EPB41: variants seen among roughly 807,000 people sequenced by gnomAD.
EPB41 encodes the protein protein 4.1.
A neutral mutation model predicts 108.0 loss-of-function variants in EPB41; 65 were observed. The observed-to-expected ratio is 0.60, with a 90% confidence interval of 0.49 to 0.74. The LOEUF (loss-of-function observed/expected upper bound fraction) is 0.74. EPB41 is among the 30% of genes least tolerant of loss of function. The pLI, the probability that EPB41 is intolerant of heterozygous loss-of-function variation, is 0.00. For synonymous variants in EPB41, 336 were observed against 358.9 expected (o/e 0.94, Z 0.72); for missense variants, 875 against 1,037.0 (o/e 0.84, Z 2.15).
At chr1:29,003,710 G>C (rs982445096) in intron 4 of EPB41, among the ~76,000 whole-genome samples, 15 of 152,170 alleles carry the variant, frequency 9.9e-5, no homozygotes, top group Non-Finnish European at 1.3e-4. Flanking sequence ...TGGCTTGCTT[G>C]TTCCCTTTTC....
chr1:29,055,930 CAAAA>C (rs35702090), intron 12 of EPB41, among the ~76,000 whole-genome samples: 5 of 59,384 alleles, frequency 8.4e-5, no homozygotes, highest in African/African-American at 2.4e-4. Context: ...AAGACTGTCT[CAAAA>C]AAAAAAAAAA....
At chr1:28,960,006 T>TC (rs1278714119) in intron 1 of EPB41, among the ~76,000 whole-genome samples, 2 of 148,634 alleles carry the variant, frequency 1.3e-5, no homozygotes, top group East Asian at 3.9e-4. Flanking sequence ...CTTTTCTTTT[T>TC]TTTTTTTTTT....
intron 2 of EPB41, among the ~76,000 whole-genome samples, chr1:28,990,296 T>TTTCCTTCCTTCCTTCCTTCC (rs201526830): frequency 0.12 from 5,158 of 43,962 alleles, 813 homozygotes; most frequent in Non-Finnish European, 0.13. Flanking sequence ...GTTTTTCAAA[T>TTTCCTTCCTTCCTTCCTTCC]TTCCTTCCTT....
chr1:28,923,424 A>G (rs967558852), intron 1 of EPB41, among the ~76,000 whole-genome samples: 1 of 152,082 alleles, frequency 6.6e-6, no homozygotes, highest in African/African-American at 2.4e-5. Context: ...GTAGATTGAT[A>G]TATCCTCTAG....
upstream of EPB41, chr1:28,911,075 A>T (rs2092232364): frequency 1.0e-6 from 1 of 985,244 alleles, no homozygotes; most frequent in Non-Finnish European, 1.2e-6. Flanking sequence ...CCTGGTTTGC[A>T]GAAGTCTGAG....
intron 11 of EPB41, 60 bp from the exon 12 acceptor site, chr1:29,053,042 CTT>C (rs1463774009): frequency 1.9e-6 from 3 of 1,574,924 alleles, no homozygotes; most frequent in Non-Finnish European, 2.6e-6. Context: ...TGCCTGGTGA[CTT>C]TGAAATAATA....
At chr1:28,934,666 T>TTTTGTGTGTGTG (rs1553174370) in intron 1 of EPB41, among the ~76,000 whole-genome samples, 3 of 136,308 alleles carry the variant, frequency 2.2e-5, no homozygotes, top group African/African-American at 8.7e-5. Context: ...TCTTTTGACA[T>TTTTGTGTGTGTG]TGTGTGTGTG....
chr1:28,910,838 A>G (rs2092214211), upstream of EPB41, among the ~76,000 whole-genome samples: 1 of 151,940 alleles, frequency 6.6e-6, no homozygotes, highest in African/African-American at 2.4e-5. Flanking sequence ...AGGAAGGAAC[A>G]CAAGGGGTAG....
chr1:28,999,755 C>G (rs1173171208), intron 4 of EPB41, among the ~76,000 whole-genome samples: 7 of 152,034 alleles, frequency 4.6e-5, no homozygotes, highest in East Asian at 1.9e-4. Context: ...ATATTCTGTC[C>G]TGTCACCAAG....
rs1015458409 is a variant in EPB41, at chr1:29,024,526, C to T, written c.1125-5874C>T. On this transcript the variant is annotated intron_variant, in intron 7 of 20. Transcript: ENST00000343067. ...CACGCGCCTGTAATCCCAGCTACTC[C>T]GGAGGCTGAGGCAGAGAATTGCTTA... Among the ~76,000 whole-genome samples, 13 of 148,250 alleles carry T rather than the reference C, an allele frequency of 8.8e-5. 1 individual carries two copies. The South Asian group carries it at 1.5e-3, about 17-fold the overall frequency.
At position 29,053,279 on chromosome 1, in the gene EPB41, G is replaced by T; in HGVS notation, c.1812G>T (p.Glu604Asp). The T allele has an allele frequency of 6.2e-7, 1 of 1,614,178 alleles. No homozygotes were observed. Among genetic ancestry groups the T allele is most frequent in the South Asian group, 1.1e-5 (1 of 91,080 alleles). The change falls in exon 12 of 21, where the codon GAG becomes GAT. Residue 604 changes from glutamate (E) to aspartate (D), a missense_variant. Glu to Asp is a conservative substitution (Grantham distance 45). Transcript: ENST00000343067. ...TGAAAAAGGAAGACGAGCCACCTGA[G>T]CAAGCTGAGCCAGAGCCCACAGAAG... ...AEVKKEDEPP[E>D]QAEPEPTEAW...
intron 1 of EPB41, among the ~76,000 whole-genome samples, chr1:28,941,996 C>G (rs2094308637): frequency 6.6e-6 from 1 of 150,838 alleles, no homozygotes; most frequent in Non-Finnish European, 1.5e-5. Flanking sequence ...AGTATAAAGA[C>G]CAAAACTAAA....
chr1:29,102,495 G>A (rs1665767305), intron 17 of EPB41, among the ~76,000 whole-genome samples: 1 of 152,166 alleles, frequency 6.6e-6, no homozygotes, highest in South Asian at 2.1e-4. Flanking sequence ...CAGGACTCGG[G>A]TCAGGAGTGG....
chr1:29,022,699 C>T (rs545366815), intron 7 of EPB41, among the ~76,000 whole-genome samples: 203 of 151,670 alleles, frequency 1.3e-3, no homozygotes, highest in Non-Finnish European at 2.0e-3. Context: ...ACAGCCTGGG[C>T]GACAAGAGCA....
intron 1 of EPB41, among the ~76,000 whole-genome samples, chr1:28,940,609 G>A (rs534109074): frequency 6.6e-6 from 1 of 152,072 alleles, no homozygotes; most frequent in Non-Finnish European, 1.5e-5. Flanking sequence ...TCGAGATCGC[G>A]CCATTGCACT....
intron 1 of EPB41, among the ~76,000 whole-genome samples, chr1:28,897,584 G>A (rs903685163): frequency 6.7e-5 from 8 of 118,650 alleles, no homozygotes; most frequent in South Asian, 3.5e-4. Flanking sequence ...GAAGGGAAGC[G>A]GAGGGAAGGG....
intron 16 of EPB41, among the ~76,000 whole-genome samples, chr1:29,083,461 G>T (rs951300694): frequency 8.6e-5 from 13 of 152,016 alleles, no homozygotes; most frequent in Admixed American, 2.0e-4. Flanking sequence ...TTCTCCTTTC[G>T]GTAATTTTTG....
At chr1:28,948,769 T>G (rs1451680103) in intron 1 of EPB41, among the ~76,000 whole-genome samples, 1 of 150,688 alleles carries the variant, frequency 6.6e-6, no homozygotes, top group Non-Finnish European at 1.5e-5. Context: ...GCCAATATGG[T>G]GAAACCCTGT....
intron 4 of EPB41, among the ~76,000 whole-genome samples, chr1:29,010,331 C>G (rs1471212600): frequency 6.6e-6 from 1 of 151,900 alleles, no homozygotes; most frequent in African/African-American, 2.4e-5. Flanking sequence ...AGAGCGAGAC[C>G]CTGTCTAAAT....
Sources: gnomAD v4.1 joint callset for allele counts (sites outside exome capture counted in the v4.1 genomes callset) on GRCh38, gnomAD v4.1.1 for gene constraint, MANE v1.5 for transcripts, NCBI Gene and HGNC (gene_info 2026-07-23, HGNC 2026-07-21) for gene names.